The following STAT4 variants were observed in gnomAD, a reference collection of about 807,000 sequenced individuals.
STAT4 encodes signal transducer and activator of transcription 4.
STAT4 carries 42 observed loss-of-function variants against 110.5 expected under a neutral mutation model. The ratio of observed to expected loss-of-function variants is 0.38; its 90% CI spans 0.30 to 0.49. STAT4 has a LOEUF of 0.49. STAT4 is among the 20% of genes least tolerant of loss of function. STAT4 has a pLI of 0.95. For synonymous variants in STAT4, 284 were observed against 302.2 expected (o/e 0.94, Z 0.63); for missense variants, 632 against 887.9 (o/e 0.71, Z 3.66).
At position 191,143,684 on chromosome 2, in the gene STAT4, T is replaced by C. The variant is rs1030565239; in HGVS notation, c.273+2929A>G. 6.6e-6 allele frequency among the ~76,000 whole-genome samples: 1 copy of C among 152,220 alleles called. No homozygotes were observed. The highest frequency in any genetic ancestry group is 1.5e-5 in the Non-Finnish European group (1 of 68,030). ...TCCCTTAGTTCCCCAGGTATCATAT[T>C]GTTTACTCCTTTTTGCTGTAATTGT... On this transcript the variant is annotated intron_variant, in intron 3 of 23. Coordinates refer to ENST00000392320, the MANE Select transcript of STAT4 (RefSeq NM_003151.4). This position sits in a 1 kb window ranked among gnomAD's most constrained non-coding sequence, Gnocchi z 5.6.
Position 191,050,295 on chromosome 2 carries a change from A to C in STAT4, c.1251+4195T>G, listed in dbSNP as rs545651394. 6.6e-6 allele frequency among the ~76,000 whole-genome samples: 1 copy of C among 152,338 alleles called. No individual in the cohort carries two copies. Among genetic ancestry groups the C allele is most frequent in the East Asian group, 1.9e-4 (1 of 5,192 alleles). On this transcript the variant is annotated intron_variant, in intron 14 of 23. Coordinates refer to ENST00000392320, the MANE Select transcript of STAT4 (RefSeq NM_003151.4). The surrounding 1 kb of genome is among the most constrained non-coding windows in gnomAD (Gnocchi z 4.3). Reference sequence around the variant, plus strand: ...TGCTTCCTGGGAATGTTTATTTTACAGGAACAGATTGATGGCCTCAAAGTC... The same window carrying C: ...TGCTTCCTGGGAATGTTTATTTTACCGGAACAGATTGATGGCCTCAAAGTC...
chr2:191,130,301 C>A (rs1574186367), intron 3 of STAT4, among the ~76,000 whole-genome samples: 1 of 148,420 alleles, frequency 6.7e-6, no homozygotes, highest in Admixed American at 6.8e-5. Flanking sequence ...CAGCTCACTG[C>A]AAGCTAGGGT....
rs1416811660 is a variant in STAT4 at position 191,082,604 on chromosome 2, A to C, written c.274-6279T>G. ...TGTGGAGAACAGTGTCATAGAATCC[A>C]TGAACATGCTATTTATTCTTTTTGC... On this transcript the variant is annotated intron_variant, in intron 3 of 23. Transcript: ENST00000392320. The surrounding 1 kb of genome is among the most constrained non-coding windows in gnomAD (Gnocchi z 4.7). Among the ~76,000 whole-genome samples the C allele has an allele frequency of 1.3e-5, 2 of 152,260 alleles. No individual in the cohort carries two copies. The highest frequency in any genetic ancestry group is 2.9e-5 in the Non-Finnish European group (2 of 68,050).
rs1030370583 is a variant in STAT4 at position 191,062,925 on chromosome 2, T to C, written c.783-5A>G. On this transcript the variant is annotated splice_region_variant and splice_polypyrimidine_tract_variant and intron_variant, in intron 8 of 23. Coordinates refer to ENST00000392320, the MANE Select transcript of STAT4 (RefSeq NM_003151.4). The surrounding 1 kb of genome is among the most constrained non-coding windows in gnomAD (Gnocchi z 4.9). ...CTTTCTGCCAATAGTGTAAAGCTATTGAACAGAAAATGAAAATCAAAGATA... is the reference window on the plus strand; with the variant it reads ...CTTTCTGCCAATAGTGTAAAGCTATCGAACAGAAAATGAAAATCAAAGATA... 6.2e-7 allele frequency: 1 copy of C among 1,606,240 alleles called. No homozygotes were observed. The highest frequency in any genetic ancestry group is 1.3e-5 in the African/African-American group (1 of 74,554).
rs1315530928 is a variant in STAT4 at position 191,090,516 on chromosome 2, G to A, written c.274-14191C>T. 1.3e-5 allele frequency among the ~76,000 whole-genome samples: 2 copies of A among 152,004 alleles called. No individual in the cohort carries two copies. The highest frequency in any genetic ancestry group is 2.1e-4 in the South Asian group (1 of 4,814). On this transcript the variant is annotated intron_variant, in intron 3 of 23. Transcript: ENST00000392320. The surrounding 1 kb of genome is among the most constrained non-coding windows in gnomAD (Gnocchi z 4.2). ...TAAACTAGCTAAAAATTAGCTGCAG[G>A]TATATATAGCTTGTCTTACCTTATT...
intron 4 of STAT4, among the ~76,000 whole-genome samples, chr2:191,074,170 T>C (rs76396178): frequency 6.6e-6 from 1 of 152,246 alleles, no homozygotes; most frequent in Non-Finnish European, 1.5e-5. Flanking sequence ...TCTTAGCTAC[T>C]CTAATAATCT....
chr2:191,104,847 AGACCACCTGGT>A lies in STAT4; in HGVS notation c.274-28533_274-28523del, dbSNP rs1574158972. Among the ~76,000 whole-genome samples the A allele has an allele frequency of 6.6e-6, 1 of 152,156 alleles. No homozygotes were observed. Among genetic ancestry groups the A allele is most frequent in the East Asian group, 1.9e-4 (1 of 5,202 alleles). On this transcript the variant is annotated intron_variant, in intron 3 of 23. Coordinates refer to ENST00000392320, the MANE Select transcript of STAT4 (RefSeq NM_003151.4). The surrounding 1 kb of genome is among the most constrained non-coding windows in gnomAD (Gnocchi z 4.3). ...TTTGAGACCTTCTGGACTAAGACTG[AGACCACCTGGT>A]GCTTGAGCAGAAAAAAGTCCCAATG...
intron 3 of STAT4, among the ~76,000 whole-genome samples, chr2:191,101,420 C>T (rs569688679): frequency 1.4e-4 from 21 of 152,128 alleles, no homozygotes; most frequent in East Asian, 5.8e-4. Flanking sequence ...AAAAATTGTT[C>T]GACAACACTA....
chr2:191,125,581 G>A (rs1021168407), intron 3 of STAT4, among the ~76,000 whole-genome samples: 10 of 151,536 alleles, frequency 6.6e-5, no homozygotes, highest in African/African-American at 2.4e-4. Context: ...TCAAACTCCA[G>A]GGCTTAAGTT....
chr2:191,055,521 T>C (rs1696663847), intron 13 of STAT4, among the ~76,000 whole-genome samples: 1 of 151,590 alleles, frequency 6.6e-6, no homozygotes, highest in African/African-American at 2.4e-5. Flanking sequence ...GCCAGGCTAA[T>C]TTTCTGTATT....
rs114200651 is a variant in STAT4, at chr2:191,031,574, T to G, written c.2045-58A>C. The G allele has an allele frequency of 6.2e-3, 8,995 of 1,444,702 alleles. 40 individuals carry two copies. The highest frequency in any genetic ancestry group is 7.8e-3 in the Non-Finnish European group (8,138 of 1,039,252). The allele number at this position is 1,444,702 out of a possible 1,614,324, so 89.5% of individuals were successfully genotyped here. Reference sequence around the variant, plus strand: ...AAAATGTCAATATTATCAATAAAACTGGGGAAAAAAGAGTCTAGAAAAATA... The same window carrying G: ...AAAATGTCAATATTATCAATAAAACGGGGGAAAAAAGAGTCTAGAAAAATA... On this transcript the variant is annotated intron_variant, in intron 21 of 23. Coordinates refer to ENST00000392320, the MANE Select transcript of STAT4 (RefSeq NM_003151.4). The surrounding 1 kb of genome is among the most constrained non-coding windows in gnomAD (Gnocchi z 4.8).
In STAT4 at chr2:191,077,105, A is replaced by G. The variant is rs889114612; in HGVS notation, c.274-780T>C. ...AAACTATATGATACATTGTTTCAGC[A>G]ACTATATTTTTATGACATCTAAGCA... is the stretch of plus-strand genomic sequence containing the variant. On this transcript the variant is annotated intron_variant, in intron 3 of 23. Coordinates refer to ENST00000392320, the MANE Select transcript of STAT4 (RefSeq NM_003151.4). The surrounding 1 kb of genome is among the most constrained non-coding windows in gnomAD (Gnocchi z 4.1). 2.0e-5 allele frequency among the ~76,000 whole-genome samples: 3 copies of G among 152,210 alleles called. No homozygotes were observed. The highest frequency in any genetic ancestry group is 7.2e-5 in the African/African-American group (3 of 41,452).
intron 16 of STAT4, among the ~76,000 whole-genome samples, chr2:191,038,208 T>C (rs370571727): frequency 7.7e-4 from 118 of 152,286 alleles, no homozygotes; most frequent in African/African-American, 2.4e-3. Context: ...GGCTGTCCTT[T>C]GCCTTAAAGA....
At chr2:191,081,212 G>A (rs985776808) in intron 3 of STAT4, among the ~76,000 whole-genome samples, 17 of 152,246 alleles carry the variant, frequency 1.1e-4, no homozygotes, top group African/African-American at 3.9e-4. Flanking sequence ...TGGTGTATAT[G>A]TGCCAAATTT....
intron 3 of STAT4, among the ~76,000 whole-genome samples, chr2:191,103,235 T>C (rs1199258910): frequency 6.6e-6 from 1 of 152,142 alleles, no homozygotes; most frequent in Non-Finnish European, 1.5e-5. Flanking sequence ...TTTTTTTAGG[T>C]CCCAGGCATG....
At chr2:191,036,030 C>A in intron 17 of STAT4, 134 bp downstream of exon 17, 1 of 1,106,902 alleles carries the variant, frequency 9.0e-7, no homozygotes, top group Non-Finnish European at 1.3e-6. Context: ...TAGTTCTGTG[C>A]CTGGCAATAT....
At chr2:191,102,073 G>A (rs1240600664) in intron 3 of STAT4, among the ~76,000 whole-genome samples, 1 of 151,016 alleles carries the variant, frequency 6.6e-6, no homozygotes, top group East Asian at 1.9e-4. Context: ...ACAGAATGTG[G>A]TTGAATTCTG....
At position 191,036,225 on chromosome 2, in the gene STAT4, T is replaced by C; in HGVS notation, c.1509A>G (p.Ser503=). The C allele has an allele frequency of 1.2e-6, 2 of 1,614,096 alleles. No homozygotes were observed. The highest frequency in any genetic ancestry group is 1.6e-4 in the Middle Eastern group (1 of 6,062). Residue 503 remains serine (S), a synonymous_variant, in exon 17 of 24, where the codon TCA becomes TCG. Coordinates refer to ENST00000392320, the MANE Select transcript of STAT4 (RefSeq NM_003151.4). Reference sequence around the variant, plus strand: ...AGTTAAGACCACGACCAACGTACGATGAAAACTGCCAGCTCATCACCTCCA... The same window carrying C: ...AGTTAAGACCACGACCAACGTACGACGAAAACTGCCAGCTCATCACCTCCA... ...QLLEVMSWQF[S]SYVGRGLNSD... is the part of the protein sequence containing the mutation.
Position 191,046,772 on chromosome 2 carries a change from C to G in STAT4, c.1252-5624G>C, listed in dbSNP as rs1167678595. ...GGAGATGCCAGGTGAGTCTTCTGTT[C>G]TAAAAATTTGGTCTTTGATCCTGGT... On this transcript the variant is annotated intron_variant, in intron 14 of 23. Transcript: ENST00000392320. This position sits in a 1 kb window ranked among gnomAD's most constrained non-coding sequence, Gnocchi z 4.6. 6.6e-6 allele frequency among the ~76,000 whole-genome samples: 1 copy of G among 152,166 alleles called. No individual in the cohort carries two copies. The highest frequency in any genetic ancestry group is 6.5e-5 in the Admixed American group (1 of 15,276).
Sources: allele counts gnomAD v4.1 joint callset (sites outside exome capture counted in the v4.1 genomes callset), GRCh38; gene constraint gnomAD v4.1.1; non-coding constraint Gnocchi (gnomAD v3.1); transcripts MANE v1.5; gene names NCBI Gene and HGNC (gene_info 2026-07-23, HGNC 2026-07-21).